AEBP2: variants seen among roughly 807,000 people sequenced by gnomAD.
The protein encoded by AEBP2 is AE binding protein 2.
A neutral mutation model predicts 50.8 loss-of-function variants in AEBP2; 10 were observed. The observed-to-expected ratio is 0.20, with a 90% CI of 0.12 to 0.33. The LOEUF is 0.33. Ranked by LOEUF, AEBP2 falls within the 10% of genes least tolerant of loss-of-function variation. AEBP2 has a pLI of 1.00. For missense variants in AEBP2, 570 were observed against 688.0 expected (o/e 0.83, Z 1.92); for synonymous variants, 296 against 261.3 (o/e 1.13, Z -1.28).
At chr12:19,481,155 T>C (rs12230965) in intron 3 of AEBP2, among the ~76,000 whole-genome samples, 3,049 of 141,838 alleles carry the variant, frequency 0.021, 40 homozygotes, top group East Asian at 0.046. Flanking sequence ...GGCTGGAGTG[T>C]AGTGATGCTA....
intron 4 of AEBP2, among the ~76,000 whole-genome samples, chr12:19,499,801 ATGT>A (rs1386165721): frequency 2.0e-5 from 3 of 152,098 alleles, no homozygotes; most frequent in Non-Finnish European, 4.4e-5. Flanking sequence ...CTGAGGCGAG[ATGT>A]TGGAGTAAAA....
At chr12:19,506,333 G>T (rs1253822096) in intron 5 of AEBP2, among the ~76,000 whole-genome samples, 1 of 151,848 alleles carries the variant, frequency 6.6e-6, no homozygotes, top group Non-Finnish European at 1.5e-5. Context: ...CTCCTGAACT[G>T]TAGTGATCCA....
At chr12:19,461,251 C>G (rs1463237517) in intron 1 of AEBP2, among the ~76,000 whole-genome samples, 2 of 151,934 alleles carry the variant, frequency 1.3e-5, no homozygotes, top group Non-Finnish European at 2.9e-5. Context: ...TTCTCTTGAC[C>G]CTTATGATTG....
intron 1 of AEBP2, among the ~76,000 whole-genome samples, chr12:19,405,316 T>A (rs1216485422): frequency 1.3e-5 from 2 of 151,884 alleles, no homozygotes; most frequent in Non-Finnish European, 2.9e-5. Flanking sequence ...GAATTGTTAT[T>A]TTTATTTTAT....
At chr12:19,511,299 G>T (rs889770182) in intron 5 of AEBP2, among the ~76,000 whole-genome samples, 45 of 152,290 alleles carry the variant, frequency 3.0e-4, no homozygotes, top group African/African-American at 9.6e-4. Context: ...AATGCTGCTG[G>T]TGCACAGAAA....
At chr12:19,420,427 G>A (rs750757104) in intron 1 of AEBP2, among the ~76,000 whole-genome samples, 10 of 136,956 alleles carry the variant, frequency 7.3e-5, no homozygotes, top group East Asian at 6.9e-4. Flanking sequence ...TCTACCTCCC[G>A]GGTTCAAGAG....
chr12:19,414,454 T>C (rs2095741132), intron 1 of AEBP2, among the ~76,000 whole-genome samples: 1 of 152,132 alleles, frequency 6.6e-6, no homozygotes, highest in South Asian at 2.1e-4. Context: ...TGTATGTGCA[T>C]GTGAAGTGCC....
At chr12:19,459,858 ATATCT>A (rs1948341137) in intron 1 of AEBP2, among the ~76,000 whole-genome samples, 2 of 152,168 alleles carry the variant, frequency 1.3e-5, no homozygotes, top group African/African-American at 2.4e-5. Context: ...TCCTACAAAA[ATATCT>A]TTGCTTTTAA....
intron 5 of AEBP2, among the ~76,000 whole-genome samples, chr12:19,502,849 C>T (rs573686487): frequency 2.6e-5 from 4 of 152,070 alleles, no homozygotes; most frequent in African/African-American, 7.2e-5. Context: ...GGTTTCTCCA[C>T]GTTGGTCAGG....
rs1327694769 is a variant in AEBP2, at chr12:19,470,531, C to A, written c.880-2717C>A. ...AACTTTGATCTCTTTACGCCTACTT[C>A]ATTTGGTATAAAATTCACTAGGCTG... is the stretch of plus-strand genomic sequence containing the variant. On this transcript the variant is annotated intron_variant, in intron 2 of 7. Transcript: ENST00000266508. 3.9e-5 allele frequency among the ~76,000 whole-genome samples: 6 copies of A among 152,178 alleles called. No individual in the cohort carries two copies. In the East Asian group the frequency reaches 1.2e-3, roughly 29 times the overall value.
At chr12:19,466,791 TG>T (rs1948484787) in intron 2 of AEBP2, 1 of 985,048 alleles carries the variant, frequency 1.0e-6, no homozygotes, top group African/African-American at 1.7e-5. Context: ...AGGAAAAAAT[TG>T]GTAACCCTAG....
At chr12:19,453,453 T>G (rs1325461909) in intron 1 of AEBP2, among the ~76,000 whole-genome samples, 5 of 149,216 alleles carry the variant, frequency 3.4e-5, no homozygotes, top group African/African-American at 1.2e-4. Flanking sequence ...GGAGTCTTGC[T>G]CTTTTGCTCA....
At chr12:19,501,775 C>T (rs1199529237) in intron 5 of AEBP2, among the ~76,000 whole-genome samples, 10 of 145,198 alleles carry the variant, frequency 6.9e-5, no homozygotes, top group Non-Finnish European at 1.5e-4. Flanking sequence ...CTATTTCCGT[C>T]GTCTCCTATA....
intron 5 of AEBP2, among the ~76,000 whole-genome samples, chr12:19,509,816 CTTTCTTTTTTTTTTTT>C (rs1949206916): frequency 8.3e-6 from 1 of 121,054 alleles, no homozygotes; most frequent in African/African-American, 3.3e-5. Context: ...AACATGGCTA[CTTTCTTTTTTTTTTTT>C]TTTTTTTTTT....
chr12:19,474,389 C>T (rs1459239152), intron 3 of AEBP2, among the ~76,000 whole-genome samples: 1 of 152,074 alleles, frequency 6.6e-6, no homozygotes, highest in Non-Finnish European at 1.5e-5. Flanking sequence ...TGTGGAGTTG[C>T]TTTTAAAAAC....
intron 3 of AEBP2, among the ~76,000 whole-genome samples, chr12:19,476,854 A>T (rs1948655201): frequency 6.6e-6 from 1 of 152,132 alleles, no homozygotes; most frequent in African/African-American, 2.4e-5. Context: ...GTGAAGATTG[A>T]TGATGGTACT....
At chr12:19,512,693 GGCTCACACCT>G (rs1034530637) in intron 6 of AEBP2, among the ~76,000 whole-genome samples, 1 of 151,448 alleles carries the variant, frequency 6.6e-6, no homozygotes. Context: ...TGGAGGCGGT[GGCTCACACCT>G]GTAATCCCAG....
chr12:19,483,073 A>G (rs764044247), intron 3 of AEBP2, among the ~76,000 whole-genome samples: 66 of 151,602 alleles, frequency 4.4e-4, no homozygotes, highest in Non-Finnish European at 7.8e-4. Flanking sequence ...TTCCCTCGCC[A>G]CCTCCCTTTT....
At chr12:19,457,067 A>G (rs1948282001) in intron 1 of AEBP2, 1 of 1,607,040 alleles carries the variant, frequency 6.2e-7, no homozygotes, top group African/African-American at 1.3e-5. Context: ...ATTGGCACAA[A>G]TGCTTCTGTG....
Sources: allele counts gnomAD v4.1 joint callset (sites outside exome capture counted in the v4.1 genomes callset), GRCh38; gene constraint gnomAD v4.1.1; transcripts MANE v1.5; gene names NCBI Gene and HGNC (gene_info 2026-07-23, HGNC 2026-07-21).